Variants in USO1 observed in about 807,000 individuals in gnomAD.
USO1 encodes USO1 vesicle transport factor.
In USO1, 57 loss-of-function variants were observed where a neutral mutation model predicts 124.5. The observed-to-expected ratio is 0.46, with a 90% CI of 0.37 to 0.57. The LOEUF (loss-of-function observed/expected upper bound fraction) is 0.57, where lower values mean the gene tolerates loss of function less well. USO1 is among the 20% of genes least tolerant of loss of function. USO1 has a pLI of 0.00. For missense variants in USO1, 900 were observed against 1,040.6 expected (o/e 0.86, Z 1.86); for synonymous variants, 369 against 362.8 (o/e 1.02, Z -0.19).
At chr4:75,788,658 T>C (rs1039134237) in intron 10 of USO1, among the ~76,000 whole-genome samples, 8 of 151,592 alleles carry the variant, frequency 5.3e-5, no homozygotes, top group African/African-American at 1.9e-4. Flanking sequence ...TTCTTCTGCC[T>C]CAGCCTCCAG....
At chr4:75,756,958 C>CATAT (rs10646536) in intron 3 of USO1, among the ~76,000 whole-genome samples, 3 of 151,498 alleles carry the variant, frequency 2.0e-5, no homozygotes, top group African/African-American at 4.9e-5. Flanking sequence ...TATATGTATA[C>CATAT]ATATATATAC....
At chr4:75,766,661 C>T (rs564310723) in intron 4 of USO1, among the ~76,000 whole-genome samples, 3 of 152,204 alleles carry the variant, frequency 2.0e-5, no homozygotes, top group Non-Finnish European at 4.4e-5. Flanking sequence ...GTTTATTGAG[C>T]ACATTATTTA....
intron 3 of USO1, among the ~76,000 whole-genome samples, chr4:75,754,435 G>A (rs1721380912): frequency 6.6e-6 from 1 of 152,130 alleles, no homozygotes; most frequent in Admixed American, 6.6e-5. Flanking sequence ...CATTAACTGT[G>A]CATGGATAGC....
chr4:75,743,633 A>G (rs1056461318), intron 1 of USO1, among the ~76,000 whole-genome samples: 44 of 152,196 alleles, frequency 2.9e-4, no homozygotes, highest in Admixed American at 2.1e-3. Context: ...CAAAATGTTA[A>G]GTACTTGAAC....
intron 1 of USO1, among the ~76,000 whole-genome samples, chr4:75,748,036 C>A (rs1577934019): frequency 6.6e-6 from 1 of 150,508 alleles, no homozygotes; most frequent in Non-Finnish European, 1.5e-5. Context: ...GCCTCCTGAG[C>A]AGCTGGAATT....
At chr4:75,791,988 G>A (rs1201957346) in intron 12 of USO1, among the ~76,000 whole-genome samples, 7 of 149,770 alleles carry the variant, frequency 4.7e-5, no homozygotes, top group Non-Finnish European at 1.0e-4. Flanking sequence ...TGTAATACAA[G>A]TTGAGCATCC....
At chr4:75,756,949 A>G (rs963703823) in intron 3 of USO1, among the ~76,000 whole-genome samples, 1 of 145,910 alleles carries the variant, frequency 6.9e-6, no homozygotes, top group African/African-American at 2.7e-5. Flanking sequence ...AGATTTTTAT[A>G]TATGTATACA....
At chr4:75,727,060 T>G (rs1425979336) in intron 1 of USO1, among the ~76,000 whole-genome samples, 1 of 152,230 alleles carries the variant, frequency 6.6e-6, no homozygotes, top group Non-Finnish European at 1.5e-5. Context: ...TTTTACTATG[T>G]GTGGGTTGAA....
intron 9 of USO1, 26 bp from the exon 10 acceptor site, chr4:75,787,036 A>G (rs1722381347): frequency 1.3e-6 from 2 of 1,555,788 alleles, no homozygotes; most frequent in Non-Finnish European, 1.7e-6. Context: ...TTAAAAGACA[A>G]ATTTTGTTTT....
At chr4:75,781,610 GA>G (rs1419995205) in intron 8 of USO1, among the ~76,000 whole-genome samples, 10 of 152,024 alleles carry the variant, frequency 6.6e-5, no homozygotes, top group Non-Finnish European at 1.5e-5. Flanking sequence ...TATACACTAA[GA>G]AACCAAAAAA....
intron 4 of USO1, among the ~76,000 whole-genome samples, chr4:75,767,171 C>G (rs1158544223): frequency 6.6e-6 from 1 of 152,132 alleles, no homozygotes; most frequent in African/African-American, 2.4e-5. Flanking sequence ...GCACAGATTT[C>G]TTTCCTTCCC....
At chr4:75,760,976 GTC>G (rs1721590823) in intron 4 of USO1, among the ~76,000 whole-genome samples, 1 of 152,064 alleles carries the variant, frequency 6.6e-6, no homozygotes, top group Admixed American at 6.6e-5. Context: ...GTGAAACCCT[GTC>G]TCTACTAAAA....
chr4:75,803,075 G>A (rs1246443163), intron 17 of USO1, among the ~76,000 whole-genome samples: 7 of 104,332 alleles, frequency 6.7e-5, no homozygotes, highest in African/African-American at 1.0e-4. Context: ...CAACAAGAGC[G>A]AAACTCTGTC....
At chr4:75,737,293 T>G (rs970161401) in intron 1 of USO1, among the ~76,000 whole-genome samples, 1 of 152,210 alleles carries the variant, frequency 6.6e-6, no homozygotes, top group Non-Finnish European at 1.5e-5. Flanking sequence ...GTAAAACACA[T>G]TAGGACAGAG....
At chr4:75,740,288 C>G (rs866983091) in intron 1 of USO1, among the ~76,000 whole-genome samples, 1 of 152,084 alleles carries the variant, frequency 6.6e-6, no homozygotes, top group African/African-American at 2.4e-5. Context: ...TCTCTAGGAC[C>G]AGTGGGTTTT....
intron 4 of USO1, chr4:75,760,683 G>A (rs1721579684): frequency 2.5e-6 from 1 of 395,192 alleles, no homozygotes; most frequent in Admixed American, 4.4e-5. Context: ...GTCAAGTACT[G>A]TTTCTTCTGG....
rs139518602 is a variant in USO1, at chr4:75,793,646, T to A, written c.1241-44T>A. Reference sequence around the variant, plus strand: ...CAATTTATTTAAAATTTGGTTTACGTCAAAATCTAATATATTTTTATTGTC... The same window carrying A: ...CAATTTATTTAAAATTTGGTTTACGACAAAATCTAATATATTTTTATTGTC... On this transcript the variant is annotated intron_variant, in intron 12 of 23. Transcript: ENST00000514213. 58 of 1,551,922 alleles carry A rather than the reference T, an allele frequency of 3.7e-5. No homozygotes were observed. The African/African-American group carries it at 7.7e-4, about 21-fold the overall frequency.
intron 10 of USO1, among the ~76,000 whole-genome samples, chr4:75,788,599 A>C (rs949592529): frequency 7.1e-6 from 1 of 141,428 alleles, no homozygotes; most frequent in Non-Finnish European, 1.5e-5. Flanking sequence ...CTGGAGTGCA[A>C]TGGCATGATC....
chr4:75,783,645 C>A (rs921131280), intron 9 of USO1, among the ~76,000 whole-genome samples: 6 of 152,100 alleles, frequency 3.9e-5, no homozygotes, highest in African/African-American at 1.4e-4. Flanking sequence ...ATGGTTAGGT[C>A]CGCTAGTAAT....
Sources: allele counts gnomAD v4.1 joint callset (sites outside exome capture counted in the v4.1 genomes callset), GRCh38; gene constraint gnomAD v4.1.1; transcripts MANE v1.5; gene names NCBI Gene and HGNC (gene_info 2026-07-23, HGNC 2026-07-21).